Variants in FAT3 observed in about 807,000 individuals in gnomAD.
The protein encoded by FAT3 is protocadherin Fat 3.
In FAT3, 95 loss-of-function variants were observed where a neutral mutation model predicts 310.2. That is an observed-to-expected ratio of 0.31 (90% CI 0.26 to 0.36). The LOEUF (loss-of-function observed/expected upper bound fraction) is 0.36. Ranked by LOEUF, FAT3 falls within the 10% of genes least tolerant of loss-of-function variation. The probability of loss-of-function intolerance (pLI) is 1.00; values close to 1 mark genes in which losing one functional copy is unlikely to be tolerated. For missense variants in FAT3, 5,408 were observed against 5,715.6 expected (o/e 0.95, Z 1.74); for synonymous variants, 2,314 against 2,192.9 (o/e 1.06, Z -1.54).
intron 3 of FAT3, among the ~76,000 whole-genome samples, chr11:92,586,115 AAAGGC>A (rs1356831563): frequency 2.6e-5 from 4 of 152,044 alleles, no homozygotes; most frequent in African/African-American, 4.8e-5. Context: ...TAGAAAAGGT[AAAGGC>A]TTGATTGACT....
At chr11:92,418,931 C>A (rs1950478875) in intron 2 of FAT3, among the ~76,000 whole-genome samples, 1 of 152,070 alleles carries the variant, frequency 6.6e-6, no homozygotes, top group Non-Finnish European at 1.5e-5. Flanking sequence ...AATCACTGGG[C>A]CTGGAGAGAA....
chr11:92,245,032 A>G (rs1375490514), intron 1 of FAT3, among the ~76,000 whole-genome samples: 1 of 152,160 alleles, frequency 6.6e-6, no homozygotes, highest in Non-Finnish European at 1.5e-5. Flanking sequence ...CTATAAAGAT[A>G]CATGCACACA....
chr11:92,262,622 C>T (rs546023648), intron 1 of FAT3, among the ~76,000 whole-genome samples: 22 of 152,098 alleles, frequency 1.4e-4, no homozygotes, highest in Non-Finnish European at 2.5e-4. Flanking sequence ...AAACAGGATA[C>T]AGCATGATAT....
At chr11:92,852,899 T>A (rs1335136004) in intron 19 of FAT3, among the ~76,000 whole-genome samples, 1 of 152,210 alleles carries the variant, frequency 6.6e-6, no homozygotes, top group African/African-American at 2.4e-5. Flanking sequence ...ATTACCTCTG[T>A]GCTTTAATCT....
At chr11:92,370,467 A>G (rs1267941384) in intron 2 of FAT3, among the ~76,000 whole-genome samples, 1 of 152,162 alleles carries the variant, frequency 6.6e-6, no homozygotes, top group Non-Finnish European at 1.5e-5. Flanking sequence ...CGTATCACAC[A>G]TCTCTCCCCG....
intron 2 of FAT3, among the ~76,000 whole-genome samples, chr11:92,464,737 C>T (rs1241307102): frequency 6.6e-6 from 1 of 152,120 alleles, no homozygotes; most frequent in Non-Finnish European, 1.5e-5. Context: ...CCTAGAATAT[C>T]CTGAGCTTTC....
At chr11:92,228,327 T>C (rs751001916) in intron 1 of FAT3, among the ~76,000 whole-genome samples, 4 of 152,202 alleles carry the variant, frequency 2.6e-5, no homozygotes, top group Non-Finnish European at 4.4e-5. Context: ...ATTTTTTTAA[T>C]AGGACCCAGT....
At chr11:92,550,578 T>C (rs1302740075) in intron 3 of FAT3, among the ~76,000 whole-genome samples, 1 of 152,106 alleles carries the variant, frequency 6.6e-6, no homozygotes, top group Non-Finnish European at 1.5e-5. Flanking sequence ...CTGAGTAGCC[T>C]CTCTGCAGAG....
At chr11:92,668,575 G>A (rs1289822824) in intron 3 of FAT3, among the ~76,000 whole-genome samples, 1 of 152,136 alleles carries the variant, frequency 6.6e-6, no homozygotes, top group Admixed American at 6.5e-5. Context: ...TGCAAGCTGC[G>A]TGACCTTGAT....
At position 92,225,080 on chromosome 11, in the gene FAT3, G is replaced by C. The variant is rs1449024216; in HGVS notation, c.-112G>C. Among the ~76,000 whole-genome samples the C allele has an allele frequency of 6.6e-6, 1 of 152,028 alleles. No individual in the cohort carries two copies. Among genetic ancestry groups the C allele is most frequent in the Non-Finnish European group, 1.5e-5 (1 of 67,980 alleles). On this transcript the variant is annotated 5_prime_UTR_variant, in exon 1 of 28. Transcript: ENST00000525166. Reference sequence around the variant, plus strand: ...GGCGCTGCGGCGGCAGCAGCCGGGGGACCGGCTCGCCCGGAGCAAGAGCGC... The same window carrying C: ...GGCGCTGCGGCGGCAGCAGCCGGGGCACCGGCTCGCCCGGAGCAAGAGCGC...
intron 3 of FAT3, among the ~76,000 whole-genome samples, chr11:92,548,197 G>A (rs1295145144): frequency 1.3e-5 from 2 of 152,140 alleles, no homozygotes; most frequent in Non-Finnish European, 2.9e-5. Flanking sequence ...CCATGTTGGT[G>A]ACTTGTTACT....
intron 2 of FAT3, among the ~76,000 whole-genome samples, chr11:92,382,791 A>G (rs915566711): frequency 2.0e-5 from 3 of 152,212 alleles, no homozygotes; most frequent in Non-Finnish European, 2.9e-5. Context: ...GTCAGCAGGT[A>G]TGGGTAGGCC....
chr11:92,442,105 A>AT (rs1565320166), intron 2 of FAT3, among the ~76,000 whole-genome samples: 1 of 20,352 alleles, frequency 4.9e-5, no homozygotes, highest in African/African-American at 1.7e-4. Context: ...ATATATATAT[A>AT]TATATATTTT....
chr11:92,886,783 T>G (rs1196936763), intron 24 of FAT3: 1 of 488,984 alleles, frequency 2.0e-6, no homozygotes, highest in East Asian at 3.4e-5. Flanking sequence ...GCTCATTTAC[T>G]ATGGGCTAAG....
At chr11:92,675,176 C>G (rs1342145536) in intron 3 of FAT3, among the ~76,000 whole-genome samples, 1 of 152,114 alleles carries the variant, frequency 6.6e-6, no homozygotes, top group Admixed American at 6.5e-5. Flanking sequence ...AAACATTTAT[C>G]GTCTGTTTGC....
Position 92,752,339 on chromosome 11 carries a change from T to C in FAT3, c.3670-9517T>C, listed in dbSNP as rs144050271. 2.3e-3 allele frequency among the ~76,000 whole-genome samples: 350 copies of C among 152,364 alleles called. 1 individual carries two copies. Among genetic ancestry groups the C allele is most frequent in the Non-Finnish European group, 4.4e-3 (298 of 68,034 alleles). On this transcript the variant is annotated intron_variant, in intron 4 of 27. Transcript: ENST00000525166. ...TTGAGAATAGTGTGACCTTTGACTA[T>C]ACAAGGCTCTGCCACTTAAGAATAG... is the stretch of plus-strand genomic sequence containing the variant.
chr11:92,831,685 G>A lies in FAT3; in HGVS notation c.9545G>A (p.Ser3182Asn). 1.2e-6 allele frequency: 2 copies of A among 1,613,514 alleles called. No individual in the cohort carries two copies. Among genetic ancestry groups the A allele is most frequent in the Non-Finnish European group, 1.7e-6 (2 of 1,179,782 alleles). The change falls in exon 14 of 28, where the codon AGC becomes AAC. Residue 3182 changes from serine to asparagine, a missense_variant. Physicochemically the swap from Ser to Asn is conservative, Grantham distance 46 (BLOSUM62 1). Around this residue, in one of 5 missense-constraint regions of FAT3, gnomAD observed 4,588 missense variants for 4,809.8 expected, o/e 0.95. Coordinates refer to ENST00000525166, the MANE Select transcript of FAT3 (RefSeq NM_001367949.2). ...DSAGGVFSIDSSSGIIILEQP... is the reference protein window; with the variant it reads ...DSAGGVFSIDNSSGIIILEQP... ...GCTGGTGGGGTCTTCTCCATTGACA[G>A]CTCATCTGGCATCATCATCCTGGAG...
At chr11:92,283,164 T>A (rs1946473295) in intron 1 of FAT3, among the ~76,000 whole-genome samples, 3 of 152,162 alleles carry the variant, frequency 2.0e-5, no homozygotes, top group Admixed American at 2.0e-4. Flanking sequence ...AAAATCTTCC[T>A]CCATAATCCT....
At chr11:92,781,294 G>C (rs1946746638) in intron 7 of FAT3, among the ~76,000 whole-genome samples, 1 of 151,394 alleles carries the variant, frequency 6.6e-6, no homozygotes, top group South Asian at 2.1e-4. Context: ...TGTTGGCCAG[G>C]CTGGTCTCAA....
Sources: allele counts gnomAD v4.1 joint callset (sites outside exome capture counted in the v4.1 genomes callset), GRCh38; gene constraint gnomAD v4.1.1; regional missense constraint gnomAD v4.1.1; transcripts MANE v1.5; gene names NCBI Gene and HGNC (gene_info 2026-07-23, HGNC 2026-07-21).